FOXN3: variants seen among roughly 807,000 people sequenced by gnomAD.
FOXN3 encodes forkhead box N3, also known as forkhead box protein N3.
In FOXN3, 7 loss-of-function variants were observed where a neutral mutation model predicts 38.4. The ratio of observed to expected loss-of-function variants is 0.18; its 90% CI spans 0.10 to 0.34. The LOEUF is 0.34. Among genes scored for constraint, FOXN3 ranks in the 10% least tolerant of loss-of-function variants. The pLI, the probability that FOXN3 is intolerant of heterozygous loss-of-function variation, is 1.00. For missense variants in FOXN3, 456 were observed against 613.4 expected (o/e 0.74, Z 2.71); for synonymous variants, 230 against 242.2 (o/e 0.95, Z 0.47).
chr14:89,248,468 C>T (rs1467246001), intron 4 of FOXN3, among the ~76,000 whole-genome samples: 1 of 152,246 alleles, frequency 6.6e-6, no homozygotes. Flanking sequence ...TAGGGACTGG[C>T]TTTAGTCAAA....
intron 2 of FOXN3, among the ~76,000 whole-genome samples, chr14:89,380,280 A>G (rs769734734): frequency 2.6e-5 from 4 of 152,166 alleles, no homozygotes; most frequent in Non-Finnish European, 5.9e-5. Flanking sequence ...TTTGCTCCTC[A>G]TTCATCTTCT....
intron 1 of FOXN3, among the ~76,000 whole-genome samples, chr14:89,568,576 C>T (rs1393391476): frequency 6.6e-6 from 1 of 152,198 alleles, no homozygotes; most frequent in East Asian, 1.9e-4. Flanking sequence ...ATGTCAGCTC[C>T]TCAGGGCTGG....
intron 1 of FOXN3, among the ~76,000 whole-genome samples, chr14:89,430,436 G>A (rs908940078): frequency 5.3e-5 from 8 of 152,168 alleles, no homozygotes; most frequent in African/African-American, 1.9e-4. Flanking sequence ...GCAGCAGGTT[G>A]CTGAAAACCC....
At chr14:89,365,785 G>C (rs1566969556) in intron 2 of FOXN3, among the ~76,000 whole-genome samples, 1 of 152,122 alleles carries the variant, frequency 6.6e-6, no homozygotes. Context: ...CCACTTCAAA[G>C]AGTCAAACTA....
intron 3 of FOXN3, among the ~76,000 whole-genome samples, chr14:89,340,212 C>T (rs990607235): frequency 1.3e-5 from 2 of 151,888 alleles, no homozygotes; most frequent in African/African-American, 2.4e-5. Flanking sequence ...CTGGTTGGGG[C>T]GTGTGTTCTG....
intron 4 of FOXN3, among the ~76,000 whole-genome samples, chr14:89,236,019 G>A (rs1884970180): frequency 6.6e-6 from 1 of 152,216 alleles, no homozygotes; most frequent in Non-Finnish European, 1.5e-5. Flanking sequence ...CACAACTAAG[G>A]AGTGGCAGAG....
chr14:89,577,712 C>T (rs910785592), intron 1 of FOXN3, among the ~76,000 whole-genome samples: 3 of 152,102 alleles, frequency 2.0e-5, no homozygotes, highest in Non-Finnish European at 4.4e-5. Context: ...GCTTCGGACC[C>T]GGGGAAAATT....
chr14:89,467,814 T>G (rs1215915267), intron 1 of FOXN3, among the ~76,000 whole-genome samples: 7 of 129,058 alleles, frequency 5.4e-5, no homozygotes, highest in African/African-American at 2.0e-4. Flanking sequence ...GTTTTTTTTT[T>G]TTTTTTTTTT....
At chr14:89,435,655 G>A (rs1184657923) in intron 1 of FOXN3, among the ~76,000 whole-genome samples, 1 of 152,156 alleles carries the variant, frequency 6.6e-6, no homozygotes, top group Non-Finnish European at 1.5e-5. Flanking sequence ...CGTAAAAAGG[G>A]GATGAAGTAG....
chr14:89,404,546 A>G (rs868800522), intron 2 of FOXN3, among the ~76,000 whole-genome samples: 37 of 145,190 alleles, frequency 2.5e-4, no homozygotes, highest in African/African-American at 9.0e-4. Flanking sequence ...AGGATGGGTC[A>G]GGGAGCTGCG....
At chr14:89,386,801 C>T (rs890273508) in intron 2 of FOXN3, among the ~76,000 whole-genome samples, 2 of 152,180 alleles carry the variant, frequency 1.3e-5, no homozygotes, top group Non-Finnish European at 2.9e-5. Flanking sequence ...AGACGGCTGC[C>T]TTCTCACTGT....
chr14:89,297,680 T>C (rs1280637071), intron 3 of FOXN3, among the ~76,000 whole-genome samples: 1 of 152,134 alleles, frequency 6.6e-6, no homozygotes, highest in Non-Finnish European at 1.5e-5. Context: ...CCCATGCTCA[T>C]AGAAACATTA....
At chr14:89,284,535 G>A (rs1413061890) in intron 3 of FOXN3, 1 of 455,926 alleles carries the variant, frequency 2.2e-6, no homozygotes, top group Non-Finnish European at 4.4e-6. Context: ...GTGGAAGAAG[G>A]CTGTGAATGG....
chr14:89,336,861 G>C (rs1186884108), intron 3 of FOXN3, among the ~76,000 whole-genome samples: 1 of 152,222 alleles, frequency 6.6e-6, no homozygotes, highest in Admixed American at 6.5e-5. Context: ...AGTTGTATTA[G>C]AGAAATTCAG....
At chr14:89,289,533 C>G (rs1886796075) in intron 3 of FOXN3, among the ~76,000 whole-genome samples, 1 of 152,192 alleles carries the variant, frequency 6.6e-6, no homozygotes. Context: ...ACACAAAAAT[C>G]TCTTATGCAG....
chr14:89,244,244 C>T (rs1885224287), intron 4 of FOXN3, among the ~76,000 whole-genome samples: 1 of 152,204 alleles, frequency 6.6e-6, no homozygotes, highest in Non-Finnish European at 1.5e-5. Flanking sequence ...AACGGCCTTC[C>T]CTGCCTTTAA....
At chr14:89,218,177 G>A (rs1297809303) in intron 4 of FOXN3, among the ~76,000 whole-genome samples, 1 of 152,166 alleles carries the variant, frequency 6.6e-6, no homozygotes, top group East Asian at 1.9e-4. Context: ...GCACCTATCT[G>A]TGTAATATTT....
intron 4 of FOXN3, among the ~76,000 whole-genome samples, chr14:89,211,310 G>T (rs940224494): frequency 6.6e-6 from 1 of 152,204 alleles, no homozygotes; most frequent in African/African-American, 2.4e-5. Context: ...TTAACTAAAG[G>T]TAATAGGAAA....
chr14:89,209,462 C>T (rs139829846), intron 4 of FOXN3, among the ~76,000 whole-genome samples: 85 of 152,330 alleles, frequency 5.6e-4, no homozygotes, highest in African/African-American at 2.0e-3. Context: ...CAAAGTGTGA[C>T]ATAAACAGTT....
Sources: gnomAD v4.1 joint callset for allele counts (sites outside exome capture counted in the v4.1 genomes callset) on GRCh38, gnomAD v4.1.1 for gene constraint, MANE v1.5 for transcripts, NCBI Gene and HGNC (gene_info 2026-07-23, HGNC 2026-07-21) for gene names.